Variants in NDRG1 observed in about 807,000 individuals in gnomAD.
NDRG1 encodes N-myc downstream regulated 1, also known as protein NDRG1.
A neutral mutation model predicts 56.9 loss-of-function variants in NDRG1; 32 were observed. That is an observed-to-expected ratio of 0.56 (90% CI 0.42 to 0.76). The LOEUF is 0.76. Ranked by LOEUF, NDRG1 falls within the 30% of genes least tolerant of loss-of-function variation. NDRG1 has a pLI of 0.00. For synonymous variants in NDRG1, 211 were observed against 204.1 expected (o/e 1.03, Z -0.29); for missense variants, 507 against 545.7 (o/e 0.93, Z 0.71).
intron 8 of NDRG1, 112 bp from the exon 9 acceptor site, chr8:133,254,707 CA>C: frequency 1.9e-6 from 2 of 1,033,940 alleles, no homozygotes; most frequent in Non-Finnish European, 3.0e-6. Flanking sequence ...CTCCCCCCTA[CA>C]TGCAGGCCTC....
At chr8:133,263,782 G>C (rs1263678944) in intron 4 of NDRG1, among the ~76,000 whole-genome samples, 1 of 152,050 alleles carries the variant, frequency 6.6e-6, no homozygotes, top group Non-Finnish European at 1.5e-5. Context: ...CAGGCGTGGT[G>C]GTGGGTGCCC....
chr8:133,250,410 C>T (rs368668830), intron 10 of NDRG1, 30 bp downstream of exon 10: 1 of 1,564,262 alleles, frequency 6.4e-7, no homozygotes, highest in African/African-American at 1.4e-5. Context: ...TCATAAATAG[C>T]AATGATGTGG....
chr8:133,296,358 C>A, intron 1 of NDRG1: 1 of 412,266 alleles, frequency 2.4e-6, no homozygotes, highest in Non-Finnish European at 5.0e-6. Context: ...TCGCCCAGGT[C>A]ACTTCTCCCA....
chr8:133,283,994 G>A (rs1481981157), intron 2 of NDRG1, among the ~76,000 whole-genome samples: 1 of 152,228 alleles, frequency 6.6e-6, no homozygotes, highest in Non-Finnish European at 1.5e-5. Context: ...CGATCCTATG[G>A]GACTTGAACC....
chr8:133,259,460 T>C, intron 5 of NDRG1: 2 of 581,478 alleles, frequency 3.4e-6, no homozygotes, highest in South Asian at 3.9e-5. Flanking sequence ...AATTAGCTCA[T>C]TCAATTTTCA....
intron 5 of NDRG1, 21 bp from the exon 6 acceptor site, chr8:133,259,251 C>G: frequency 6.2e-7 from 1 of 1,613,324 alleles, no homozygotes. Flanking sequence ...CACAGAGAAG[C>G]CATTAGTGAG....
At chr8:133,247,469 G>C (rs76627947) in intron 12 of NDRG1, among the ~76,000 whole-genome samples, 15,054 of 152,306 alleles carry the variant, frequency 0.099, 1,035 homozygotes, top group Non-Finnish European at 0.15. Flanking sequence ...GGTGAAAGGA[G>C]TCAGGAAGCT....
chr8:133,246,089 G>A (rs910592044), intron 13 of NDRG1, among the ~76,000 whole-genome samples: 1 of 152,346 alleles, frequency 6.6e-6, no homozygotes, highest in East Asian at 1.9e-4. Context: ...TCCCACTCTT[G>A]GGCTGCATCT....
intron 3 of NDRG1, among the ~76,000 whole-genome samples, chr8:133,277,437 C>T (rs1338342662): frequency 6.6e-6 from 1 of 152,092 alleles, no homozygotes; most frequent in Non-Finnish European, 1.5e-5. Flanking sequence ...GTGGCGGGCA[C>T]CTGTAATCCC....
chr8:133,244,748 C>A, intron 13 of NDRG1: 1 of 432,150 alleles, frequency 2.3e-6, no homozygotes, highest in Non-Finnish European at 4.3e-6. Context: ...AGGCCAGGAT[C>A]TCTCTGACCC....
chr8:133,248,634 G>A, intron 11 of NDRG1, 81 bp downstream of exon 11: 1 of 1,503,516 alleles, frequency 6.7e-7, no homozygotes, highest in Non-Finnish European at 9.3e-7. Flanking sequence ...GCCACACTCA[G>A]AAAGAAGGCC....
chr8:133,280,152 C>A lies in NDRG1; in HGVS notation c.99+80G>T, dbSNP rs1857702841. On this transcript the variant is annotated intron_variant, in intron 3 of 15. Transcript: ENST00000323851. ...TTGCCCGCAATGTTTGCACAATGATCTACTTAAACCAATGGAAAGAAAAAG... is the reference window on the plus strand; with the variant it reads ...TTGCCCGCAATGTTTGCACAATGATATACTTAAACCAATGGAAAGAAAAAG... 3 of 1,542,092 alleles carry A rather than the reference C, an allele frequency of 1.9e-6. No individual in the cohort carries two copies. In the Admixed American group the frequency reaches 5.1e-5, roughly 26 times the overall value.
intron 1 of NDRG1, chr8:133,284,942 G>T: frequency 2.3e-6 from 1 of 438,706 alleles, no homozygotes; most frequent in Admixed American, 2.5e-5. Context: ...CAAGGAGTTT[G>T]GCAGGCATTT....
intron 9 of NDRG1, among the ~76,000 whole-genome samples, chr8:133,252,726 C>T (rs898337085): frequency 6.6e-6 from 1 of 151,402 alleles, no homozygotes; most frequent in African/African-American, 2.4e-5. Flanking sequence ...CTCGTACACT[C>T]GCCAGCTCCA....
chr8:133,284,452 C>A, intron 1 of NDRG1, 123 bp from the exon 2 acceptor site: 1 of 799,458 alleles, frequency 1.3e-6, no homozygotes, highest in Non-Finnish European at 2.1e-6. Flanking sequence ...TCACCTCCCT[C>A]GTGATGCACT....
chr8:133,283,701 C>T (rs1586488377), intron 2 of NDRG1, among the ~76,000 whole-genome samples: 2 of 152,356 alleles, frequency 1.3e-5, no homozygotes, highest in Admixed American at 1.3e-4. Flanking sequence ...CACCATTTTA[C>T]AGATGAAGAA....
chr8:133,250,072 C>T (rs984853555), intron 10 of NDRG1, among the ~76,000 whole-genome samples: 1 of 152,234 alleles, frequency 6.6e-6, no homozygotes, highest in Non-Finnish European at 1.5e-5. Flanking sequence ...GGATTATCCC[C>T]GGCCTCCAGG....
chr8:133,288,216 G>C (rs545802466), intron 1 of NDRG1: 1 of 152,348 alleles, frequency 6.6e-6, no homozygotes, highest in Non-Finnish European at 1.5e-5. Flanking sequence ...CATTCACGGA[G>C]GAGGGGGCTG....
intron 12 of NDRG1, among the ~76,000 whole-genome samples, chr8:133,247,140 C>T (rs1749844818): frequency 6.6e-6 from 1 of 152,066 alleles, no homozygotes; most frequent in African/African-American, 2.4e-5. Flanking sequence ...GGCAGAATAC[C>T]CATATGTAAC....
Sources: allele counts gnomAD v4.1 joint callset (sites outside exome capture counted in the v4.1 genomes callset), GRCh38; gene constraint gnomAD v4.1.1; transcripts MANE v1.5; gene names NCBI Gene and HGNC (gene_info 2026-07-23, HGNC 2026-07-21).